Variants in FILIP1L observed in about 807,000 individuals in gnomAD.
FILIP1L encodes filamin A interacting protein 1 like, also known as filamin A-interacting protein 1-like.
Under a neutral mutation model 96.6 loss-of-function variants are expected in FILIP1L, and 55 were observed. The ratio of observed to expected loss-of-function variants is 0.57; its 90% CI spans 0.46 to 0.71. FILIP1L has a LOEUF of 0.71. Among genes scored for constraint, FILIP1L ranks in the 30% least tolerant of loss-of-function variants. The pLI is 0.00. For synonymous variants in FILIP1L, 467 were observed against 473.9 expected (o/e 0.99, Z 0.19); for missense variants, 1,304 against 1,321.2 (o/e 0.99, Z 0.20).
chr3:99,983,389 A>T (rs10936016), intron 1 of FILIP1L, among the ~76,000 whole-genome samples: 5,971 of 40,562 alleles, frequency 0.15, 448 homozygotes, highest in African/African-American at 0.23. Context: ...TAAATAAATA[A>T]ATATATATAT....
chr3:99,879,836 G>A (rs1216523003), intron 4 of FILIP1L, among the ~76,000 whole-genome samples: 1 of 152,114 alleles, frequency 6.6e-6, no homozygotes, highest in African/African-American at 2.4e-5. Flanking sequence ...TATGGACCTG[G>A]TCCTGTATAA....
intron 1 of FILIP1L, among the ~76,000 whole-genome samples, chr3:100,045,051 T>A (rs1269667508): frequency 6.6e-6 from 1 of 152,254 alleles, no homozygotes; most frequent in African/African-American, 2.4e-5. Context: ...TCTGAGATGC[T>A]TGTGATATAT....
intron 1 of FILIP1L, among the ~76,000 whole-genome samples, chr3:99,936,847 T>A (rs2107670850): frequency 6.6e-6 from 1 of 152,286 alleles, no homozygotes; most frequent in African/African-American, 2.4e-5. Context: ...TGGTTTAACA[T>A]TAATTTATTC....
intron 1 of FILIP1L, among the ~76,000 whole-genome samples, chr3:100,074,721 T>C (rs2065822720): frequency 7.6e-6 from 1 of 131,860 alleles, no homozygotes; most frequent in Non-Finnish European, 1.6e-5. Context: ...TGAGACGAAG[T>C]CTCACTCTGT....
At chr3:99,976,720 CTTATT>C (rs1708982966) in intron 1 of FILIP1L, among the ~76,000 whole-genome samples, 1 of 151,998 alleles carries the variant, frequency 6.6e-6, no homozygotes, top group African/African-American at 2.4e-5. Flanking sequence ...ATTTTATTAT[CTTATT>C]TTATTGTTGT....
At chr3:100,048,255 G>C (rs1238556578) in intron 1 of FILIP1L, among the ~76,000 whole-genome samples, 6 of 152,232 alleles carry the variant, frequency 3.9e-5, no homozygotes, top group Admixed American at 3.9e-4. Context: ...ACTAGCAATA[G>C]ACTTAAAGTT....
At chr3:100,106,678 G>A (rs1277853043) in intron 1 of FILIP1L, among the ~76,000 whole-genome samples, 1 of 152,170 alleles carries the variant, frequency 6.6e-6, no homozygotes, top group Non-Finnish European at 1.5e-5. Context: ...CCTAAAGCAT[G>A]TTGCTCACCT....
intron 1 of FILIP1L, among the ~76,000 whole-genome samples, chr3:99,934,712 A>G (rs2107667806): frequency 6.6e-6 from 1 of 152,254 alleles, no homozygotes; most frequent in East Asian, 1.9e-4. Context: ...CTCTGTATAC[A>G]TTCTAGCTTC....
At chr3:99,992,328 A>G (rs1709548348) in intron 1 of FILIP1L, among the ~76,000 whole-genome samples, 1 of 152,048 alleles carries the variant, frequency 6.6e-6, no homozygotes, top group Admixed American at 6.5e-5. Context: ...CCTTGCCAAC[A>G]TCTGTTGTTT....
chr3:100,028,919 A>G lies in FILIP1L; in HGVS notation c.-11+85134T>C, dbSNP rs1158826125. Among the ~76,000 whole-genome samples the G allele has an allele frequency of 2.0e-5, 3 of 152,198 alleles. No homozygotes were observed. In the South Asian group the frequency reaches 6.2e-4, roughly 32 times the overall value. ...CACACACAAAGACACACACACACAT[A>G]TAAACATAAACATATACATATATAT... On this transcript the variant is annotated intron_variant, in intron 1 of 5. Coordinates refer to ENST00000477258, the MANE Select transcript of FILIP1L (RefSeq NM_001387850.1).
intron 1 of FILIP1L, among the ~76,000 whole-genome samples, chr3:100,037,958 G>GGT (rs2065137346): frequency 9.9e-5 from 1 of 10,052 alleles, no homozygotes; most frequent in African/African-American, 1.8e-4. Flanking sequence ...TTTTTTTTTG[G>GGT]GGGGGGAGGG....
chr3:99,890,209 G>A (rs1706039914), intron 4 of FILIP1L, among the ~76,000 whole-genome samples: 1 of 151,940 alleles, frequency 6.6e-6, no homozygotes. Context: ...CCAACTTCTG[G>A]TTTCCCATTT....
intron 1 of FILIP1L, among the ~76,000 whole-genome samples, chr3:100,053,194 T>C (rs1461997385): frequency 6.6e-6 from 1 of 152,196 alleles, no homozygotes; most frequent in Non-Finnish European, 1.5e-5. Context: ...CAGAAGTGTC[T>C]TGAAAAGACA....
At position 99,945,941 on chromosome 3, in the gene FILIP1L, C is replaced by G. The variant is rs144283216; in HGVS notation, c.-10-14911G>C. Among the ~76,000 whole-genome samples the G allele has an allele frequency of 4.2e-3, 636 of 152,344 alleles. 4 individuals carry two copies. Among genetic ancestry groups the G allele is most frequent in the African/African-American group, 0.015 (607 of 41,586 alleles). ...ATGCTTTTGTGTCCACAGCGTGCAA[C>G]TCATTCATAGCTGTTTTCATATCCT... On this transcript the variant is annotated intron_variant, in intron 1 of 5. Transcript: ENST00000477258.
chr3:99,863,493 A>G (rs947727536), intron 4 of FILIP1L, among the ~76,000 whole-genome samples: 22 of 152,192 alleles, frequency 1.4e-4, no homozygotes, highest in African/African-American at 4.8e-4. Flanking sequence ...CAAGTAGACT[A>G]TTAAGGATAT....
intron 1 of FILIP1L, among the ~76,000 whole-genome samples, chr3:100,080,149 A>T (rs1451538122): frequency 3.9e-5 from 6 of 152,088 alleles, no homozygotes; most frequent in African/African-American, 7.2e-5. Context: ...AAAATTAAAA[A>T]TTTCTATTTT....
chr3:99,927,569 A>C (rs1272215892), intron 3 of FILIP1L, among the ~76,000 whole-genome samples: 1 of 151,948 alleles, frequency 6.6e-6, no homozygotes, highest in Non-Finnish European at 1.5e-5. Flanking sequence ...GGCTTTCTTC[A>C]TGTTGGTCAG....
chr3:100,088,613 G>A (rs1271955687), intron 1 of FILIP1L, among the ~76,000 whole-genome samples: 1 of 152,124 alleles, frequency 6.6e-6, no homozygotes, highest in Non-Finnish European at 1.5e-5. Flanking sequence ...CAGTCTTACA[G>A]AGACATCAAG....
intron 1 of FILIP1L, among the ~76,000 whole-genome samples, chr3:100,057,870 C>T (rs1001813031): frequency 3.3e-5 from 5 of 152,134 alleles, no homozygotes; most frequent in South Asian, 2.1e-4. Flanking sequence ...AATACAATGC[C>T]GGTCCAACTT....
Sources: allele counts gnomAD v4.1 joint callset (sites outside exome capture counted in the v4.1 genomes callset), GRCh38; gene constraint gnomAD v4.1.1; transcripts MANE v1.5; gene names NCBI Gene and HGNC (gene_info 2026-07-23, HGNC 2026-07-21).